ZIM2: variants seen among roughly 807,000 people sequenced by gnomAD.
The protein encoded by ZIM2 is zinc finger protein 656.
ZIM2 carries 14 observed loss-of-function variants against 38.6 expected under a neutral mutation model. The ratio of observed to expected loss-of-function variants is 0.36; its 90% confidence interval spans 0.24 to 0.57. The LOEUF is 0.57. Among genes scored for constraint, ZIM2 ranks in the 20% least tolerant of loss-of-function variants. The pLI is 0.81. For synonymous variants in ZIM2, 247 were observed against 245.8 expected (o/e 1.00, Z -0.04); for missense variants, 680 against 695.1 (o/e 0.98, Z 0.24).
chr19:56,775,624 A>C, intron 12 of ZIM2, 95 bp from the exon 13 acceptor site: 1 of 1,492,718 alleles, frequency 6.7e-7, no homozygotes, highest in Non-Finnish European at 8.9e-7. Context: ...CCCTGGAGTT[A>C]GTGCTTTGGT....
At chr19:56,839,978 C>G (rs990178740) in intron 1 of ZIM2, among the ~76,000 whole-genome samples, 4 of 152,236 alleles carry the variant, frequency 2.6e-5, no homozygotes, top group African/African-American at 7.2e-5. Context: ...AAGAAAACCC[C>G]TACAGGCAGG....
chr19:56,820,796 C>T (rs2060410606), intron 7 of ZIM2, among the ~76,000 whole-genome samples: 1 of 152,246 alleles, frequency 6.6e-6, no homozygotes, highest in Non-Finnish European at 1.5e-5. Flanking sequence ...CTTCTCAGGG[C>T]AGGGCCCCTC....
chr19:56,803,700 A>G (rs557736845), intron 9 of ZIM2, among the ~76,000 whole-genome samples: 1 of 152,346 alleles, frequency 6.6e-6, no homozygotes, highest in South Asian at 2.1e-4. Context: ...TGAAGCCACC[A>G]GAAGTGGGAC....
At chr19:56,824,217 A>T in intron 4 of ZIM2, 45 bp downstream of exon 4, 1 of 1,588,268 alleles carries the variant, frequency 6.3e-7, no homozygotes, top group South Asian at 1.1e-5. Context: ...CCCAGGGGAC[A>T]CCTGAGGCCT....
At chr19:56,784,007 C>A (rs929132357) in intron 10 of ZIM2, among the ~76,000 whole-genome samples, 1 of 152,110 alleles carries the variant, frequency 6.6e-6, no homozygotes, top group Non-Finnish European at 1.5e-5. Flanking sequence ...CAGTTAATGA[C>A]AAAAATTGAA....
At chr19:56,778,204 T>C (rs1294439868) in intron 12 of ZIM2, among the ~76,000 whole-genome samples, 1 of 152,226 alleles carries the variant, frequency 6.6e-6, no homozygotes, top group Non-Finnish European at 1.5e-5. Flanking sequence ...TCTGTCTTAT[T>C]CATTATTGTA....
At chr19:56,782,761 C>T (rs1006907353) in intron 10 of ZIM2, among the ~76,000 whole-genome samples, 4 of 151,640 alleles carry the variant, frequency 2.6e-5, no homozygotes, top group African/African-American at 9.7e-5. Flanking sequence ...TATATACTTA[C>T]GGGGTACATG....
chr19:56,797,229 T>A (rs2047276432), intron 9 of ZIM2, among the ~76,000 whole-genome samples: 1 of 152,064 alleles, frequency 6.6e-6, no homozygotes, highest in South Asian at 2.1e-4. Context: ...GGCATGAGAA[T>A]GGCTTGAACT....
At chr19:56,825,182 G>T (rs2060900077) in intron 3 of ZIM2, among the ~76,000 whole-genome samples, 3 of 152,210 alleles carry the variant, frequency 2.0e-5, no homozygotes, top group Admixed American at 2.0e-4. Context: ...TAGCAAAAAT[G>T]AAAAGGGGAA....
chr19:56,823,812 T>A, intron 4 of ZIM2, 133 bp from the exon 5 acceptor site: 1 of 1,043,920 alleles, frequency 9.6e-7, no homozygotes, highest in Non-Finnish European at 1.4e-6. Context: ...ATTTCTGAGT[T>A]CAAAACCCTT....
chr19:56,838,778 C>G (rs193145285), intron 1 of ZIM2, among the ~76,000 whole-genome samples: 1 of 152,338 alleles, frequency 6.6e-6, no homozygotes, highest in Admixed American at 6.5e-5. Context: ...CCAGCACACA[C>G]AGCCCAAGGA....
intron 9 of ZIM2, chr19:56,817,211 G>T: frequency 2.5e-6 from 4 of 1,614,156 alleles, no homozygotes; most frequent in Non-Finnish European, 3.4e-6. Context: ...TTCTTCCTGG[G>T]ACAGCCTTTT....
chr19:56,814,603 C>T lies in ZIM2; in HGVS notation c.490+3143G>A, dbSNP rs1350330391. 1 of 1,614,096 alleles carries T rather than the reference C, an allele frequency of 6.2e-7. No homozygotes were observed. Among genetic ancestry groups the T allele is most frequent in the Non-Finnish European group, 8.5e-7 (1 of 1,179,946 alleles). ...TCCACAGACTGCACATTCAAAGAGT[C>T]TCTCTTCGGTCTGACTTCTCTGAAA... On this transcript the variant is annotated intron_variant, in intron 9 of 12. Transcript: ENST00000629319. The surrounding 1 kb of genome is among the most constrained non-coding windows in gnomAD (Gnocchi z 5.8).
chr19:56,820,048 C>A lies in ZIM2; in HGVS notation c.295-1346G>T, dbSNP rs551036907. Among the ~76,000 whole-genome samples the A allele has an allele frequency of 2.0e-5, 3 of 152,316 alleles. No individual in the cohort carries two copies. In the South Asian group the frequency reaches 6.2e-4, roughly 32 times the overall value. ...CTTTTTTCACATGAAAGAAAAAGCA[C>A]GCTTTGATTGAAAATTAAAATCTAG... is the stretch of plus-strand genomic sequence containing the variant. On this transcript the variant is annotated intron_variant, in intron 7 of 12. Coordinates refer to ENST00000629319, the MANE Select transcript of ZIM2 (RefSeq NM_001387356.1).
chr19:56,797,240 C>T (rs1204526326), intron 9 of ZIM2, among the ~76,000 whole-genome samples: 5 of 152,044 alleles, frequency 3.3e-5, no homozygotes, highest in African/African-American at 1.2e-4. Context: ...GGCTTGAACT[C>T]GTGAAGTGCA....
intron 2 of ZIM2, chr19:56,833,289 C>A: frequency 2.3e-6 from 1 of 427,448 alleles, no homozygotes; most frequent in South Asian, 1.7e-5. Flanking sequence ...GTTCTACCTA[C>A]CTCATTAAAA....
At chr19:56,813,521 C>G in intron 9 of ZIM2, 21 of 1,435,728 alleles carry the variant, frequency 1.5e-5, no homozygotes, top group Non-Finnish European at 1.8e-5. Flanking sequence ...CACATTCGGT[C>G]TCTTTTCAAT....
In ZIM2 at chr19:56,821,610, T is replaced by C. The variant is rs1306752037; in HGVS notation, c.294+41A>G. The C allele has an allele frequency of 3.7e-6, 6 of 1,607,282 alleles. No homozygotes were observed. In the African/African-American group the frequency reaches 6.7e-5, roughly 18 times the overall value. On this transcript the variant is annotated intron_variant, in intron 7 of 12. Coordinates refer to ENST00000629319, the MANE Select transcript of ZIM2 (RefSeq NM_001387356.1). Reference sequence around the variant, plus strand: ...AAAGAAAGGCGTCTCTGCCATGAAATGAAGATGGCCTTTCTAGAAAGAGAG... The same window carrying C: ...AAAGAAAGGCGTCTCTGCCATGAAACGAAGATGGCCTTTCTAGAAAGAGAG...
chr19:56,827,187 A>G (rs936371584), intron 2 of ZIM2, among the ~76,000 whole-genome samples: 2 of 152,212 alleles, frequency 1.3e-5, no homozygotes, highest in African/African-American at 2.4e-5. Flanking sequence ...ACTTCCTACA[A>G]TTAATTTTGT....
Sources: gnomAD v4.1 joint callset for allele counts (sites outside exome capture counted in the v4.1 genomes callset) on GRCh38, gnomAD v4.1.1 for gene constraint, Gnocchi (gnomAD v3.1) non-coding constraint, MANE v1.5 for transcripts, NCBI Gene and HGNC (gene_info 2026-07-23, HGNC 2026-07-21) for gene names.